Variants in CAB39 observed in about 807,000 individuals in gnomAD.
The protein encoded by CAB39 is calcium-binding protein 39.
CAB39 carries 8 observed loss-of-function variants against 40.0 expected under a neutral mutation model. That is an observed-to-expected ratio of 0.20 (90% CI 0.12 to 0.36). The LOEUF is 0.36. Ranked by LOEUF, CAB39 falls within the 10% of genes least tolerant of loss-of-function variation. The pLI, the probability that CAB39 is intolerant of heterozygous loss-of-function variation, is 1.00. For missense variants in CAB39, 270 were observed against 401.1 expected (o/e 0.67, Z 2.79); for synonymous variants, 156 against 141.6 (o/e 1.10, Z -0.72).
intron 6 of CAB39, 85 bp downstream of exon 6, chr2:230,810,407 A>G (rs1015747956): frequency 1.8e-6 from 1 of 545,650 alleles, no homozygotes; most frequent in Non-Finnish European, 3.2e-6. Flanking sequence ...TTTTTGTACT[A>G]GAATATTTAT....
intron 1 of CAB39, among the ~76,000 whole-genome samples, chr2:230,739,785 C>T (rs1276357693): frequency 6.6e-6 from 1 of 152,226 alleles, no homozygotes; most frequent in African/African-American, 2.4e-5. Context: ...TGAGCCACCA[C>T]CTCCAGCCTC....
At chr2:230,742,559 A>C (rs936573488) in intron 1 of CAB39, among the ~76,000 whole-genome samples, 13 of 125,188 alleles carry the variant, frequency 1.0e-4, no homozygotes, top group African/African-American at 4.1e-4. Context: ...ACATATTTGC[A>C]AAAAAAAAAA....
chr2:230,786,331 GTCTC>G (rs1041209839), intron 2 of CAB39, among the ~76,000 whole-genome samples: 2 of 140,012 alleles, frequency 1.4e-5, no homozygotes, highest in Non-Finnish European at 3.0e-5. Flanking sequence ...TTATGTTCCT[GTCTC>G]TCTCTTTCCT....
intron 1 of CAB39, among the ~76,000 whole-genome samples, chr2:230,722,792 A>T (rs550833744): frequency 1.6e-4 from 24 of 152,324 alleles, no homozygotes; most frequent in Non-Finnish European, 7.3e-5. Context: ...AGAAGTGTTT[A>T]AGCAACCTCC....
chr2:230,734,326 G>A (rs62193622), intron 1 of CAB39, among the ~76,000 whole-genome samples: 15,896 of 152,114 alleles, frequency 0.1, 1,131 homozygotes, highest in Middle Eastern at 0.16. Flanking sequence ...TAGAAAATCT[G>A]GCCACCTGCA....
intron 2 of CAB39, among the ~76,000 whole-genome samples, chr2:230,764,109 A>G (rs1236358447): frequency 6.6e-6 from 1 of 152,010 alleles, no homozygotes; most frequent in Non-Finnish European, 1.5e-5. Context: ...GTGACAGAGT[A>G]AGACTGTCTC....
intron 4 of CAB39, among the ~76,000 whole-genome samples, chr2:230,794,144 T>G (rs373913600): frequency 6.6e-6 from 1 of 152,184 alleles, no homozygotes; most frequent in Non-Finnish European, 1.5e-5. Flanking sequence ...ATCAGCTTGC[T>G]CTACTCCTCC....
At chr2:230,784,514 C>T (rs1049872634) in intron 2 of CAB39, among the ~76,000 whole-genome samples, 2 of 152,070 alleles carry the variant, frequency 1.3e-5, no homozygotes, top group Non-Finnish European at 2.9e-5. Flanking sequence ...CCCTGCCTTG[C>T]GGGATTCCCT....
intron 2 of CAB39, among the ~76,000 whole-genome samples, chr2:230,781,783 C>G (rs1389311867): frequency 6.6e-6 from 1 of 152,164 alleles, no homozygotes; most frequent in Admixed American, 6.5e-5. Context: ...AGGTGGGGCC[C>G]TAGGCATAGT....
chr2:230,739,329 T>G (rs184844549), intron 1 of CAB39, among the ~76,000 whole-genome samples: 1 of 152,248 alleles, frequency 6.6e-6, no homozygotes, highest in South Asian at 2.1e-4. Context: ...TCTAAAGATA[T>G]GATAATTTAA....
intron 1 of CAB39, among the ~76,000 whole-genome samples, chr2:230,749,771 G>C (rs75445439): frequency 2.2e-4 from 34 of 152,286 alleles, no homozygotes; most frequent in Non-Finnish European, 4.3e-4. Flanking sequence ...ATCTTTGTAT[G>C]TAAATCTTAG....
intron 1 of CAB39, among the ~76,000 whole-genome samples, chr2:230,746,033 C>T (rs1009330005): frequency 6.6e-6 from 1 of 152,062 alleles, no homozygotes; most frequent in Non-Finnish European, 1.5e-5. Flanking sequence ...CCTATTTGGT[C>T]GGGATTTAAC....
intron 6 of CAB39, among the ~76,000 whole-genome samples, chr2:230,811,597 G>C (rs1320618989): frequency 6.6e-6 from 1 of 152,126 alleles, no homozygotes; most frequent in Non-Finnish European, 1.5e-5. Flanking sequence ...TGGGCTGGTA[G>C]GACTTCAGCA....
intron 1 of CAB39, among the ~76,000 whole-genome samples, chr2:230,727,835 T>A (rs1209098387): frequency 1.3e-5 from 2 of 152,180 alleles, no homozygotes; most frequent in Non-Finnish European, 2.9e-5. Context: ...ATGATATACC[T>A]AACATAAATA....
In CAB39 at chr2:230,817,745, T is replaced by C. The variant is rs1696427684; in HGVS notation, c.694-9T>C. On this transcript the variant is annotated splice_polypyrimidine_tract_variant and intron_variant, in intron 7 of 8. Transcript: ENST00000258418. ...TAATAACAAGGTAATTGTTTAAATG[T>C]CTTCTCAGCTTCTCGGTGAACTACT... The C allele has an allele frequency of 2.6e-6, 4 of 1,566,912 alleles. No individual in the cohort carries two copies. Among genetic ancestry groups the C allele is most frequent in the Non-Finnish European group, 3.4e-6 (4 of 1,160,876 alleles).
At chr2:230,754,174 G>A (rs1450182249) in intron 1 of CAB39, among the ~76,000 whole-genome samples, 1 of 152,124 alleles carries the variant, frequency 6.6e-6, no homozygotes, top group Non-Finnish European at 1.5e-5. Flanking sequence ...TTTTCCCATA[G>A]GTTATTGGGA....
At chr2:230,803,508 C>T (rs548066218) in intron 5 of CAB39, among the ~76,000 whole-genome samples, 4 of 152,282 alleles carry the variant, frequency 2.6e-5, no homozygotes, top group Admixed American at 1.3e-4. Context: ...TAGAAAACCC[C>T]ATCATCTCAG....
In CAB39 at chr2:230,724,448, G is replaced by A. The variant is rs367792634; in HGVS notation, c.-44+11218G>A. ...TGTAATCCCAGCACTTTGGGAGGCC[G>A]AGGTGGGCGGATCACCTGAGGTCAG... On this transcript the variant is annotated intron_variant, in intron 1 of 8. Transcript: ENST00000258418. Among the ~76,000 whole-genome samples, 27 of 152,126 alleles carry A rather than the reference G, an allele frequency of 1.8e-4. No homozygotes were observed. In the East Asian group the frequency reaches 2.7e-3, roughly 15 times the overall value.
intron 2 of CAB39, among the ~76,000 whole-genome samples, chr2:230,764,237 A>G (rs1219284288): frequency 2.6e-5 from 4 of 152,218 alleles, no homozygotes; most frequent in African/African-American, 7.2e-5. Context: ...TTGAGTACCC[A>G]TACAACCATT....
Sources: gnomAD v4.1 joint callset for allele counts (sites outside exome capture counted in the v4.1 genomes callset) on GRCh38, gnomAD v4.1.1 for gene constraint, MANE v1.5 for transcripts, NCBI Gene and HGNC (gene_info 2026-07-23, HGNC 2026-07-21) for gene names.